CDH20: variants seen among roughly 807,000 people sequenced by gnomAD.
The protein encoded by CDH20 is cadherin-20.
A neutral mutation model predicts 74.2 loss-of-function variants in CDH20; 29 were observed. That is an observed-to-expected ratio of 0.39 (90% CI 0.29 to 0.53). The LOEUF (loss-of-function observed/expected upper bound fraction) is 0.53. CDH20 is among the 20% of genes least tolerant of loss of function. CDH20 has a pLI of 0.69. For missense variants in CDH20, 988 were observed against 1,048.3 expected (o/e 0.94, Z 0.79); for synonymous variants, 469 against 405.4 (o/e 1.16, Z -1.88).
At chr18:61,354,352 G>A (rs1026751446) in intron 1 of CDH20, among the ~76,000 whole-genome samples, 8 of 152,070 alleles carry the variant, frequency 5.3e-5, no homozygotes, top group African/African-American at 1.2e-4. Context: ...TCACGCCTGT[G>A]GTCCCAGAAC....
intron 6 of CDH20, among the ~76,000 whole-genome samples, chr18:61,519,006 G>A (rs1276737877): frequency 1.3e-5 from 2 of 150,990 alleles, no homozygotes; most frequent in African/African-American, 4.9e-5. Flanking sequence ...TTGATCAAGT[G>A]GAAGAAAGGA....
chr18:61,515,443 G>T (rs1911962720), intron 6 of CDH20, among the ~76,000 whole-genome samples: 1 of 152,118 alleles, frequency 6.6e-6, no homozygotes, highest in South Asian at 2.1e-4. Context: ...AGATGGAAAT[G>T]CAGAAATCAC....
intron 1 of CDH20, among the ~76,000 whole-genome samples, chr18:61,477,310 G>A (rs1288298582): frequency 6.6e-6 from 1 of 152,172 alleles, no homozygotes; most frequent in East Asian, 1.9e-4. Flanking sequence ...CTTCCATAAA[G>A]GTAACTGGGA....
chr18:61,463,639 G>C (rs1439049279), intron 1 of CDH20, among the ~76,000 whole-genome samples: 1 of 151,954 alleles, frequency 6.6e-6, no homozygotes, highest in East Asian at 1.9e-4. Flanking sequence ...GTAGTGCTGG[G>C]GGCTGCAGTG....
chr18:61,377,526 G>A (rs142164297), intron 1 of CDH20, among the ~76,000 whole-genome samples: 328 of 151,466 alleles, frequency 2.2e-3, no homozygotes, highest in Non-Finnish European at 3.5e-3. Flanking sequence ...AATCCACTTT[G>A]AGTTTTTACT....
At chr18:61,410,851 C>G (rs1912471369) in intron 1 of CDH20, among the ~76,000 whole-genome samples, 1 of 152,090 alleles carries the variant, frequency 6.6e-6, no homozygotes, top group Non-Finnish European at 1.5e-5. Context: ...TCAGCATAGG[C>G]ATAAGACCTA....
chr18:61,347,527 AAAAC>A (rs978039488), intron 1 of CDH20, among the ~76,000 whole-genome samples: 2 of 149,646 alleles, frequency 1.3e-5, no homozygotes, highest in African/African-American at 2.5e-5. Context: ...CTCAGGGAAA[AAAAC>A]AAACAAACAA....
Position 61,340,371 on chromosome 18 carries a change from A to G in CDH20, c.-153+6544A>G, listed in dbSNP as rs1909907611. Among the ~76,000 whole-genome samples the G allele has an allele frequency of 2.0e-5, 3 of 152,098 alleles. No homozygotes were observed. In the South Asian group the frequency reaches 6.2e-4, roughly 32 times the overall value. On this transcript the variant is annotated intron_variant, in intron 1 of 11. Coordinates refer to ENST00000262717, the MANE Select transcript of CDH20 (RefSeq NM_031891.4). ...AGGATAGAATTAGCATGAAGATTCAATTACCACTTGTTCCCAGAGAGGGTT... is the reference window on the plus strand; with the variant it reads ...AGGATAGAATTAGCATGAAGATTCAGTTACCACTTGTTCCCAGAGAGGGTT...
intron 6 of CDH20, among the ~76,000 whole-genome samples, chr18:61,511,201 A>G (rs1382932764): frequency 2.0e-5 from 3 of 151,270 alleles, no homozygotes; most frequent in Non-Finnish European, 4.4e-5. Flanking sequence ...CTGTCACCCA[A>G]GCTGGAGTGC....
chr18:61,499,162 G>A, intron 2 of CDH20, 24 bp from the exon 3 acceptor site: 1 of 1,510,742 alleles, frequency 6.6e-7, no homozygotes, highest in South Asian at 1.4e-5. Flanking sequence ...TTCATGATGA[G>A]AATTAGGTGC....
At position 61,538,607 on chromosome 18, in the gene CDH20, TGTTTTTGTTTTTGTTTTG is replaced by T. The variant is rs1912903735; in HGVS notation, c.1409-416_1409-399del. Among the ~76,000 whole-genome samples the T allele has an allele frequency of 1.1e-4, 5 of 45,540 alleles. 1 individual carries two copies. Among genetic ancestry groups the T allele is most frequent in the South Asian group, 1.3e-3 (1 of 766 alleles). 29.9% of individuals were successfully genotyped at this position (45,540 alleles called of 152,430 possible). A position where few individuals can be genotyped will look rare whatever the true frequency, so the allele number is the denominator to read the frequency against. The stretch of plus-strand genomic sequence containing the variant: ...TTGTTTGTTTGTTTGTTTTTGTTTT[TGTTTTTGTTTTTGTTTTG>T]TTTTTTTTTTTGAGACGGAGTCTTA... On this transcript the variant is annotated intron_variant, in intron 8 of 11. Transcript: ENST00000262717.
At chr18:61,534,246 G>A (rs1018656059) in intron 7 of CDH20, among the ~76,000 whole-genome samples, 44 of 152,136 alleles carry the variant, frequency 2.9e-4, no homozygotes, top group African/African-American at 1.0e-3. Context: ...GTGTTGGCTG[G>A]GGTGTGTAGA....
rs146065031 is a variant in CDH20, at chr18:61,380,091, C to T, written c.-153+46264C>T. On this transcript the variant is annotated intron_variant, in intron 1 of 11. Coordinates refer to ENST00000262717, the MANE Select transcript of CDH20 (RefSeq NM_031891.4). ...CAAGACTGTCGATTTAGAGTTGCTGCGACTGTGGGTTAGGGAAGTACTGAA... is the reference window on the plus strand; with the variant it reads ...CAAGACTGTCGATTTAGAGTTGCTGTGACTGTGGGTTAGGGAAGTACTGAA... Among the ~76,000 whole-genome samples the T allele has an allele frequency of 4.3e-3, 654 of 152,242 alleles. 6 individuals carry two copies. Among genetic ancestry groups the T allele is most frequent in the African/African-American group, 0.015 (603 of 41,542 alleles).
chr18:61,550,117 C>T lies in CDH20; in HGVS notation c.1788C>T (p.Ser596=). The change falls in exon 11 of 12, where the codon AGC becomes AGT. Residue 596 remains serine (S), a synonymous_variant. Coordinates refer to ENST00000262717, the MANE Select transcript of CDH20 (RefSeq NM_031891.4). ...STGTLTIQVC[S]CDDDGHVMSC... is the part of the protein sequence containing the mutation. The stretch of plus-strand genomic sequence containing the variant: ...GCACACTGACCATCCAAGTGTGCAG[C>T]TGTGATGACGACGGCCACGTCATGT... The T allele has an allele frequency of 6.2e-7, 1 of 1,614,246 alleles. No individual in the cohort carries two copies. Among genetic ancestry groups the T allele is most frequent in the Non-Finnish European group, 8.5e-7 (1 of 1,180,052 alleles).
intron 1 of CDH20, among the ~76,000 whole-genome samples, chr18:61,424,115 C>T (rs1407134727): frequency 5.9e-5 from 9 of 152,128 alleles, no homozygotes; most frequent in African/African-American, 1.2e-4. Context: ...TACATACTTA[C>T]GGGGTACATG....
At chr18:61,449,500 T>C (rs1909311478) in intron 1 of CDH20, among the ~76,000 whole-genome samples, 2 of 152,236 alleles carry the variant, frequency 1.3e-5, no homozygotes, top group Non-Finnish European at 1.5e-5. Context: ...CCAGGCAGCA[T>C]GTTGGCATCC....
intron 1 of CDH20, among the ~76,000 whole-genome samples, chr18:61,405,462 G>A (rs1263573892): frequency 2.0e-5 from 3 of 152,024 alleles, no homozygotes; most frequent in Non-Finnish European, 1.5e-5. Context: ...AATTAGCTGG[G>A]GTAGGCCAAG....
intron 1 of CDH20, among the ~76,000 whole-genome samples, chr18:61,486,607 T>C (rs1910770775): frequency 7.0e-6 from 1 of 142,302 alleles, no homozygotes; most frequent in Non-Finnish European, 1.5e-5. Context: ...CATGTTTCAT[T>C]GTACTATCTA....
intron 11 of CDH20, 42 bp from the exon 12 acceptor site, chr18:61,554,148 A>C (rs1913534463): frequency 1.3e-6 from 2 of 1,576,080 alleles, no homozygotes; most frequent in Non-Finnish European, 1.7e-6. Flanking sequence ...ACACACAGCC[A>C]CATCTCCTCG....
Sources: allele counts gnomAD v4.1 joint callset (sites outside exome capture counted in the v4.1 genomes callset), GRCh38; gene constraint gnomAD v4.1.1; transcripts MANE v1.5; gene names NCBI Gene and HGNC (gene_info 2026-07-23, HGNC 2026-07-21).